PCDHGA5: variants seen among roughly 807,000 people sequenced by gnomAD.
PCDHGA5 encodes protocadherin gamma subfamily A, 5.
Under a neutral mutation model 56.7 loss-of-function variants are expected in PCDHGA5, and 36 were observed. That is an observed-to-expected ratio of 0.64 (90% confidence interval 0.49 to 0.84). The LOEUF (loss-of-function observed/expected upper bound fraction) is 0.84, where lower values mean the gene tolerates loss of function less well. PCDHGA5 is among the 40% of genes least tolerant of loss of function. The pLI, the probability that PCDHGA5 is intolerant of heterozygous loss-of-function variation, is 0.00. For missense variants in PCDHGA5, 1,305 were observed against 1,201.5 expected (o/e 1.09, Z -1.27); for synonymous variants, 563 against 520.2 (o/e 1.08, Z -1.12).
chr5:141,430,809 G>A (rs949727881), intron 1 of PCDHGA5: 5 of 1,527,014 alleles, frequency 3.3e-6, no homozygotes, highest in Non-Finnish European at 4.4e-6. Context: ...GTCCTGCTGG[G>A]AATCCTCCTG....
intron 1 of PCDHGA5, chr5:141,416,112 T>C (rs555358881): frequency 6.4e-6 from 1 of 156,492 alleles, no homozygotes; most frequent in Non-Finnish European, 1.4e-5. Context: ...TTTTTCAAAC[T>C]ACATTTTATA....
At chr5:141,421,147 G>A in intron 1 of PCDHGA5, 1 of 1,019,036 alleles carries the variant, frequency 9.8e-7, no homozygotes, top group South Asian at 1.7e-5. Context: ...GGATGTAGTC[G>A]GCCTAGGACT....
At chr5:141,399,642 G>A (rs755191053) in intron 1 of PCDHGA5, 154 of 1,613,630 alleles carry the variant, frequency 9.5e-5, no homozygotes, top group East Asian at 4.2e-4. Context: ...CCATGAGCGC[G>A]CAAAGTGGGG....
Position 141,490,748 on chromosome 5 carries a change from C to A in PCDHGA5, c.2422-4059C>A. 3.1e-6 allele frequency: 5 copies of A among 1,614,168 alleles called. No individual in the cohort carries two copies. Among genetic ancestry groups the A allele is most frequent in the Non-Finnish European group, 3.4e-6 (4 of 1,180,006 alleles). ...GGAAATCAGGTTCAGGGAGCCCCAGCCTCCTCCTTTGTGTATGTCAACCCA... is the reference window on the plus strand; with the variant it reads ...GGAAATCAGGTTCAGGGAGCCCCAGACTCCTCCTTTGTGTATGTCAACCCA... On this transcript the variant is annotated intron_variant, in intron 1 of 3. Transcript: ENST00000518069. This position sits in a 1 kb window ranked among gnomAD's most constrained non-coding sequence, Gnocchi z 5.4.
intron 3 of PCDHGA5, among the ~76,000 whole-genome samples, chr5:141,505,766 C>T (rs1420683619): frequency 2.0e-5 from 3 of 151,768 alleles, no homozygotes; most frequent in African/African-American, 4.8e-5. Context: ...CAGTGTAGCT[C>T]AGGTCCTAGC....
chr5:141,498,437 G>C (rs996627716), intron 2 of PCDHGA5, among the ~76,000 whole-genome samples: 1 of 152,170 alleles, frequency 6.6e-6, no homozygotes, highest in Non-Finnish European at 1.5e-5. Flanking sequence ...GGGATGAAGA[G>C]GAGAGGTTCC....
rs556183945 is a variant in PCDHGA5 at position 141,404,478 on chromosome 5, C to G, written c.2421+37727C>G. On this transcript the variant is annotated intron_variant, in intron 1 of 3. Coordinates refer to ENST00000518069, the MANE Select transcript of PCDHGA5 (RefSeq NM_018918.3). ...CTCTCCACCTATGTCTCTATTAACT[C>G]AGACACTGGTGTGCTGTATGCTCTG... 36 of 1,613,412 alleles carry G rather than the reference C, an allele frequency of 2.2e-5. No homozygotes were observed. In the South Asian group the frequency reaches 3.6e-4, roughly 16 times the overall value.
rs752099096 is a variant in PCDHGA5, at chr5:141,365,281, G to C, written c.951G>C (p.Met317Ile). ...ATGAAGAATCCAGATTCTACCTCATGGAAGTGGTAGCTCAGGATGGAGGCG... is the reference window on the plus strand; with the variant it reads ...ATGAAGAATCCAGATTCTACCTCATCGAAGTGGTAGCTCAGGATGGAGGCG... Reference protein sequence around the residue: ...LDYEESRFYLMEVVAQDGGAL... With the variant: ...LDYEESRFYLIEVVAQDGGAL... Residue 317 changes from methionine to isoleucine, a missense_variant, in exon 1 of 4, where the codon ATG (methionine) becomes ATC (isoleucine). Coordinates refer to ENST00000518069, the MANE Select transcript of PCDHGA5 (RefSeq NM_018918.3). 2 of 1,614,000 alleles carry C rather than the reference G, an allele frequency of 1.2e-6. No individual in the cohort carries two copies. Among genetic ancestry groups the C allele is most frequent in the East Asian group, 2.2e-5 (1 of 44,882 alleles).
At position 141,486,761 on chromosome 5, in the gene PCDHGA5, A is replaced by G. The variant is rs1368106682; in HGVS notation, c.2422-8046A>G. 1 of 1,614,114 alleles carries G rather than the reference A, an allele frequency of 6.2e-7. No homozygotes were observed. The highest frequency in any genetic ancestry group is 8.5e-7 in the Non-Finnish European group (1 of 1,180,056). ...ATCCTTTGACTATGAGCAAACCCAG[A>G]CACTGCAGTTTGAGGTGCAGGCCCG... On this transcript the variant is annotated intron_variant, in intron 1 of 3. Transcript: ENST00000518069. The surrounding 1 kb of genome is among the most constrained non-coding windows in gnomAD (Gnocchi z 5.0).
chr5:141,406,406 C>T (rs976555739), intron 1 of PCDHGA5, among the ~76,000 whole-genome samples: 18 of 152,174 alleles, frequency 1.2e-4, no homozygotes, highest in Non-Finnish European at 1.8e-4. Context: ...CTTAGAGAAA[C>T]AGCTGAAAGC....
At chr5:141,371,216 T>C (rs375835701) in intron 1 of PCDHGA5, 5 of 1,614,056 alleles carry the variant, frequency 3.1e-6, no homozygotes, top group Middle Eastern at 1.6e-4. Flanking sequence ...AGGGCATCAA[T>C]GCCGAAATCA....
intron 1 of PCDHGA5, chr5:141,377,824 A>G (rs1774374957): frequency 6.6e-6 from 1 of 152,212 alleles, no homozygotes; most frequent in Admixed American, 6.5e-5. Context: ...TGGGCCAGTT[A>G]CAATCGCCAT....
intron 1 of PCDHGA5, among the ~76,000 whole-genome samples, chr5:141,483,993 G>T (rs1307708919): frequency 6.8e-6 from 1 of 147,882 alleles, no homozygotes; most frequent in Non-Finnish European, 1.5e-5. Flanking sequence ...AGGTTGCTGG[G>T]AGGTCTGGAT....
intron 1 of PCDHGA5, chr5:141,370,202 A>G (rs1766737926): frequency 3.7e-6 from 2 of 546,378 alleles, no homozygotes; most frequent in Non-Finnish European, 6.3e-6. Context: ...GCTGTGCAAA[A>G]TATTGGCTCC....
At chr5:141,484,468 C>T (rs2099596877) in intron 1 of PCDHGA5, among the ~76,000 whole-genome samples, 1 of 152,200 alleles carries the variant, frequency 6.6e-6, no homozygotes, top group South Asian at 2.1e-4. Context: ...ATGTGTAAGC[C>T]TTTTCTGCAA....
At chr5:141,438,571 TATACATACATAC>T (rs1212381177) in intron 1 of PCDHGA5, among the ~76,000 whole-genome samples, 4 of 94,544 alleles carry the variant, frequency 4.2e-5, no homozygotes, top group African/African-American at 9.7e-5. Context: ...AGCTGTCTGA[TATACATACATAC>T]ATACATACAT....
intron 1 of PCDHGA5, among the ~76,000 whole-genome samples, chr5:141,406,594 G>A (rs1463823326): frequency 1.3e-5 from 2 of 152,068 alleles, no homozygotes; most frequent in Non-Finnish European, 2.9e-5. Context: ...CCCTTTAATG[G>A]TGAAAGTTGT....
intron 1 of PCDHGA5, among the ~76,000 whole-genome samples, chr5:141,467,938 C>A (rs527892047): frequency 9.8e-5 from 15 of 152,304 alleles, no homozygotes; most frequent in Non-Finnish European, 1.5e-4. Flanking sequence ...GGATTACAAG[C>A]ATGAGCCACC....
intron 1 of PCDHGA5, among the ~76,000 whole-genome samples, chr5:141,459,968 C>T (rs1260233942): frequency 1.3e-5 from 2 of 152,190 alleles, no homozygotes; most frequent in East Asian, 3.8e-4. Context: ...ATCCCAGCTA[C>T]TCAGGAGGCT....
Sources: allele counts gnomAD v4.1 joint callset (sites outside exome capture counted in the v4.1 genomes callset), GRCh38; gene constraint gnomAD v4.1.1; non-coding constraint Gnocchi (gnomAD v3.1); transcripts MANE v1.5; gene names NCBI Gene and HGNC (gene_info 2026-07-23, HGNC 2026-07-21).